The following PCDHGB1 variants were observed in gnomAD, a reference collection of about 807,000 sequenced individuals.
PCDHGB1 encodes protocadherin gamma subfamily B, 1.
A neutral mutation model predicts 56.6 loss-of-function variants in PCDHGB1; 34 were observed. The ratio of observed to expected loss-of-function variants is 0.60; its 90% CI spans 0.46 to 0.80. PCDHGB1 has a LOEUF of 0.80. Among genes scored for constraint, PCDHGB1 ranks in the 30% least tolerant of loss-of-function variants. The probability of loss-of-function intolerance (pLI) is 0.00; values close to 1 mark genes in which losing one functional copy is unlikely to be tolerated. For synonymous variants in PCDHGB1, 561 were observed against 505.9 expected, an observed-to-expected ratio of 1.11 and a Z score of -1.46; for missense variants, 1,278 against 1,204.6, an observed-to-expected ratio of 1.06 and a Z score of -0.90.
chr5:141,409,828 C>T (rs2154542180), intron 1 of PCDHGB1: 1 of 1,611,128 alleles, frequency 6.2e-7, no homozygotes, highest in Non-Finnish European at 8.5e-7. Flanking sequence ...CGCCCACGCT[C>T]AGCGCCAACG....
At chr5:141,500,182 A>ATTT (rs1199992745) in intron 2 of PCDHGB1, among the ~76,000 whole-genome samples, 1 of 131,622 alleles carries the variant, frequency 7.6e-6, no homozygotes, top group African/African-American at 3.1e-5. Context: ...CTTCATTTTT[A>ATTT]TTTTTATTTA....
intron 1 of PCDHGB1, chr5:141,384,400 G>C: frequency 6.2e-7 from 1 of 1,613,936 alleles, no homozygotes; most frequent in South Asian, 1.1e-5. Flanking sequence ...GGGGGCTCCA[G>C]TGTCCTCCTA....
chr5:141,389,906 T>A, intron 1 of PCDHGB1: 1 of 1,614,086 alleles, frequency 6.2e-7, no homozygotes, highest in Non-Finnish European at 8.5e-7. Context: ...CGGATATCAC[T>A]GACCGCCCCG....
chr5:141,358,210 A>C (rs1279106050), intron 1 of PCDHGB1, among the ~76,000 whole-genome samples: 1 of 152,208 alleles, frequency 6.6e-6, no homozygotes, highest in Non-Finnish European at 1.5e-5. Flanking sequence ...AATAAAATAA[A>C]GTAAAATAAA....
At chr5:141,449,979 C>T (rs1382206842) in intron 1 of PCDHGB1, among the ~76,000 whole-genome samples, 1 of 148,862 alleles carries the variant, frequency 6.7e-6, no homozygotes, top group Non-Finnish European at 1.5e-5. Context: ...TCCAAAATAT[C>T]ACACATTGCA....
chr5:141,485,737 C>T lies in PCDHGB1; in HGVS notation c.2410-9070C>T. On this transcript the variant is annotated intron_variant, in intron 1 of 3. Coordinates refer to ENST00000523390, the MANE Select transcript of PCDHGB1 (RefSeq NM_018922.3). The surrounding 1 kb of genome is among the most constrained non-coding windows in gnomAD (Gnocchi z 5.7). ...TGGATGTGAAGAAGCGCAGCGACGGCAGCCTGGTCCCAGAGCTGCTCCTGG... is the reference window on the plus strand; with the variant it reads ...TGGATGTGAAGAAGCGCAGCGACGGTAGCCTGGTCCCAGAGCTGCTCCTGG... 6.2e-7 allele frequency: 1 copy of T among 1,614,222 alleles called. No individual in the cohort carries two copies. Among genetic ancestry groups the T allele is most frequent in the Non-Finnish European group, 8.5e-7 (1 of 1,180,036 alleles).
chr5:141,361,728 A>T (rs1318637710), intron 1 of PCDHGB1: 3 of 1,613,128 alleles, frequency 1.9e-6, no homozygotes, highest in Non-Finnish European at 2.5e-6. Context: ...TCGAGCTCAC[A>T]CTGCAGGCCC....
rs369691483 is a variant in PCDHGB1 at position 141,383,272 on chromosome 5, G to A, written c.2409+30603G>A. 65 of 1,613,802 alleles carry A rather than the reference G, an allele frequency of 4.0e-5. No homozygotes were observed. Among genetic ancestry groups the A allele is most frequent in the Non-Finnish European group, 5.3e-5 (62 of 1,179,884 alleles). On this transcript the variant is annotated intron_variant, in intron 1 of 3. Transcript: ENST00000523390. The stretch of plus-strand genomic sequence containing the variant: ...TTACCCTATAGACGTGGAAATAATA[G>A]ATATTAATGACAACGTTCCAAGATT...
At chr5:141,380,282 T>C (rs1263967352) in intron 1 of PCDHGB1, among the ~76,000 whole-genome samples, 3 of 152,306 alleles carry the variant, frequency 2.0e-5, no homozygotes, top group Admixed American at 6.5e-5. Flanking sequence ...AGGAGAAACA[T>C]TGGAAGATAC....
intron 2 of PCDHGB1, among the ~76,000 whole-genome samples, chr5:141,505,172 A>C (rs1336105711): frequency 6.6e-6 from 1 of 152,178 alleles, no homozygotes; most frequent in Non-Finnish European, 1.5e-5. Context: ...AAACAAAAAG[A>C]AAAAAGCATC....
At chr5:141,392,825 A>T in intron 1 of PCDHGB1, 1 of 1,601,466 alleles carries the variant, frequency 6.2e-7, no homozygotes. Context: ...TGGCCGCTCC[A>T]CAGAGTCGCC....
chr5:141,486,578 C>A lies in PCDHGB1; in HGVS notation c.2410-8229C>A, dbSNP rs780578882. 5 of 1,613,610 alleles carry A rather than the reference C, an allele frequency of 3.1e-6. No homozygotes were observed. In the Admixed American group the frequency reaches 6.7e-5, roughly 22 times the overall value. On this transcript the variant is annotated intron_variant, in intron 1 of 3. Coordinates refer to ENST00000523390, the MANE Select transcript of PCDHGB1 (RefSeq NM_018922.3). The surrounding 1 kb of genome is among the most constrained non-coding windows in gnomAD (Gnocchi z 5.0). Reference sequence around the variant, plus strand: ...TGAGGTGTTTGTTCCTGAGAACAATCGCCCAGGGGACCTGCTTTGCTCCCT... The same window carrying A: ...TGAGGTGTTTGTTCCTGAGAACAATAGCCCAGGGGACCTGCTTTGCTCCCT...
intron 1 of PCDHGB1, among the ~76,000 whole-genome samples, chr5:141,434,692 A>G (rs891952554): frequency 8.5e-5 from 13 of 152,082 alleles, no homozygotes; most frequent in African/African-American, 2.4e-4. Flanking sequence ...CTTGCTGTTA[A>G]TAAATATGTG....
intron 1 of PCDHGB1, chr5:141,399,718 C>G (rs770212703): frequency 6.2e-7 from 1 of 1,613,308 alleles, no homozygotes; most frequent in Non-Finnish European, 8.5e-7. Context: ...ACTACAGGCC[C>G]GCGACCAGGG....
chr5:141,443,947 T>C (rs2098410978), intron 1 of PCDHGB1, among the ~76,000 whole-genome samples: 1 of 152,082 alleles, frequency 6.6e-6, no homozygotes, highest in Non-Finnish European at 1.5e-5. Flanking sequence ...GGTTTCCTTA[T>C]TGGTATGTAT....
At position 141,432,818 on chromosome 5, in the gene PCDHGB1, T is replaced by C. The variant is rs370597280; in HGVS notation, c.2410-61989T>C. On this transcript the variant is annotated intron_variant, in intron 1 of 3. Transcript: ENST00000523390. This position sits in a 1 kb window ranked among gnomAD's most constrained non-coding sequence, Gnocchi z 6.0. The stretch of plus-strand genomic sequence containing the variant: ...CGAGTCTCCAGCTAACTCTGAAACC[T>C]CAGACCTCACTCTGTACCTGGTGGT... 9.9e-6 allele frequency: 16 copies of C among 1,614,106 alleles called. No individual in the cohort carries two copies. The highest frequency in any genetic ancestry group is 1.4e-5 in the Non-Finnish European group (16 of 1,179,986).
At chr5:141,494,776 C>T in intron 1 of PCDHGB1, 31 bp from the exon 2 acceptor site, 1 of 1,614,100 alleles carries the variant, frequency 6.2e-7, no homozygotes, top group East Asian at 2.2e-5. Context: ...CTCACGGGTA[C>T]TCAGCCCCTT....
At chr5:141,360,210 C>T (rs748051773) in intron 1 of PCDHGB1, 2 of 1,613,122 alleles carry the variant, frequency 1.2e-6, no homozygotes, top group Non-Finnish European at 1.7e-6. Context: ...TGTCTTTGTT[C>T]CCCGGGGCTC....
chr5:141,366,333 T>A lies in PCDHGB1; in HGVS notation c.2409+13664T>A, dbSNP rs190728090. ...GTCACCGTTGCCGTGGCCGACAGGA[T>A]CCCTGACATCCTGGCTGACCTAGGC... On this transcript the variant is annotated intron_variant, in intron 1 of 3. Transcript: ENST00000523390. 44 of 1,613,876 alleles carry A rather than the reference T, an allele frequency of 2.7e-5. No homozygotes were observed. The East Asian group carries it at 9.6e-4, about 35-fold the overall frequency.
Sources: gnomAD v4.1 joint callset for allele counts (sites outside exome capture counted in the v4.1 genomes callset) on GRCh38, gnomAD v4.1.1 for gene constraint, Gnocchi (gnomAD v3.1) non-coding constraint, MANE v1.5 for transcripts, NCBI Gene and HGNC (gene_info 2026-07-23, HGNC 2026-07-21) for gene names.